Variants in SPATA13 observed in about 807,000 individuals in gnomAD.
SPATA13 encodes spermatogenesis associated 13, also known as spermatogenesis-associated protein 13.
A neutral mutation model predicts 104.0 loss-of-function variants in SPATA13; 50 were observed. That is an observed-to-expected ratio of 0.48 (90% CI 0.38 to 0.61). The LOEUF is 0.61. SPATA13 is among the 20% of genes least tolerant of loss of function. SPATA13 has a pLI of 0.00. For missense variants in SPATA13, 1,524 were observed against 1,690.6 expected, an observed-to-expected ratio of 0.90 and a Z score of 1.73; for synonymous variants, 606 against 667.5, an observed-to-expected ratio of 0.91 and a Z score of 1.42.
chr13:24,122,176 T>A, intron 3 of SPATA13: 1 of 1,562,266 alleles, frequency 6.4e-7, no homozygotes, highest in Non-Finnish European at 8.8e-7. Context: ...GGGCTGCTCT[T>A]CTTTGATCAG....
chr13:24,249,615 A>G lies in SPATA13; in HGVS notation c.1792A>G (p.Ser598Gly). ...RPFSDYGQLA[S>G]RSLSIPEDSV... ...ATTCTCTGACTACGGCCAGCTGGCCAGCCGCAGTTTGTCTATTCCTGAAGA... is the reference window on the plus strand; with the variant it reads ...ATTCTCTGACTACGGCCAGCTGGCCGGCCGCAGTTTGTCTATTCCTGAAGA... The change falls in exon 3 of 13, where the codon AGC (serine) becomes GGC (glycine). Residue 598 changes from serine to glycine, a missense_variant. Ser to Gly is a moderately conservative substitution (Grantham distance 56). Transcript: ENST00000382108. 2 of 1,613,864 alleles carry G rather than the reference A, an allele frequency of 1.2e-6. No individual in the cohort carries two copies. Among genetic ancestry groups the G allele is most frequent in the African/African-American group, 1.3e-5 (1 of 75,070 alleles).
intron 3 of SPATA13, among the ~76,000 whole-genome samples, chr13:24,052,124 C>G (rs919688240): frequency 1.3e-5 from 2 of 152,086 alleles, no homozygotes; most frequent in African/African-American, 2.4e-5. Context: ...CTGTGCTTAA[C>G]GCAATTCCAA....
intron 7 of SPATA13, 43 bp from the exon 8 acceptor site, chr13:24,288,956 A>G (rs375577567): frequency 1.3e-5 from 20 of 1,535,754 alleles, no homozygotes; most frequent in Non-Finnish European, 1.7e-5. Context: ...CAAATAATTT[A>G]TTTGGATTTC....
At chr13:24,154,344 G>A (rs966110943) in intron 3 of SPATA13, among the ~76,000 whole-genome samples, 3 of 152,014 alleles carry the variant, frequency 2.0e-5, no homozygotes, top group African/African-American at 7.3e-5. Flanking sequence ...ATACTACACA[G>A]CAATGAAAAA....
chr13:24,057,337 T>C (rs1878602120), intron 3 of SPATA13, among the ~76,000 whole-genome samples: 2 of 151,846 alleles, frequency 1.3e-5, no homozygotes, highest in South Asian at 4.2e-4. Flanking sequence ...ACTGCAGCTG[T>C]CGGTCCTCTT....
intron 3 of SPATA13, among the ~76,000 whole-genome samples, chr13:24,251,004 T>C (rs1306275663): frequency 6.6e-6 from 1 of 152,140 alleles, no homozygotes; most frequent in East Asian, 1.9e-4. Flanking sequence ...AAGCAGGATA[T>C]GCATGTAATA....
intron 3 of SPATA13, among the ~76,000 whole-genome samples, chr13:24,102,471 A>ATT (rs1880286861): frequency 8.1e-6 from 1 of 123,006 alleles, no homozygotes; most frequent in African/African-American, 2.8e-5. Context: ...GCTTCACAGA[A>ATT]TTTCTTTTTT....
At chr13:24,212,460 AC>A (rs1412853390) in intron 1 of SPATA13, among the ~76,000 whole-genome samples, 3 of 151,960 alleles carry the variant, frequency 2.0e-5, no homozygotes, top group African/African-American at 4.8e-5. Flanking sequence ...TTATGTAACC[AC>A]CCCAGGGGCA....
At chr13:24,112,369 G>A (rs548299264) in intron 3 of SPATA13, among the ~76,000 whole-genome samples, 7 of 152,252 alleles carry the variant, frequency 4.6e-5, no homozygotes, top group African/African-American at 1.7e-4. Flanking sequence ...ACTCTGTAGT[G>A]CTCCCCACAT....
intron 3 of SPATA13, among the ~76,000 whole-genome samples, chr13:24,052,095 G>A (rs1878364312): frequency 6.6e-6 from 1 of 152,076 alleles, no homozygotes; most frequent in African/African-American, 2.4e-5. Flanking sequence ...CCTGTGCTGT[G>A]TCCAGGCTCC....
At position 24,058,763 on chromosome 13, in the gene SPATA13, G is replaced by A. The variant is rs73457149; in HGVS notation, c.-112+41062G>A. ...TTCTTTCTTATGATTTATGTTGGGA[G>A]CTATAGATTCACTGGTTAACCTGTC... is the stretch of plus-strand genomic sequence containing the variant. On this transcript the variant is annotated intron_variant, in intron 3 of 14. Coordinates refer to the SPATA13 transcript ENST00000424834. Among the ~76,000 whole-genome samples, 1,135 of 151,924 alleles carry A rather than the reference G, an allele frequency of 7.5e-3. 25 individuals carry two copies. Among genetic ancestry groups the A allele is most frequent in the African/African-American group, 0.026 (1,088 of 41,520 alleles).
chr13:24,064,503 T>C (rs924955688), intron 3 of SPATA13, among the ~76,000 whole-genome samples: 5 of 152,004 alleles, frequency 3.3e-5, no homozygotes, highest in African/African-American at 1.2e-4. Flanking sequence ...CCCTCATGAA[T>C]GGGATTTGTG....
At position 23,982,837 on chromosome 13, in the gene SPATA13, A is replaced by C. The variant is rs1874963929; in HGVS notation, c.-353-890A>C. On this transcript the variant is annotated intron_variant, in intron 1 of 14. Transcript: ENST00000424834. ...CACATGATTTTTATTCTGCCATTGC[A>C]AACCAGGTACACGTGTGAGCTTCGG... Among the ~76,000 whole-genome samples, 3 of 152,166 alleles carry C rather than the reference A, an allele frequency of 2.0e-5. No homozygotes were observed. In the South Asian group the frequency reaches 6.2e-4, roughly 32 times the overall value.
chr13:24,069,036 C>T (rs545390874), intron 3 of SPATA13, among the ~76,000 whole-genome samples: 3 of 152,082 alleles, frequency 2.0e-5, no homozygotes, highest in South Asian at 4.2e-4. Flanking sequence ...TATATTCTTG[C>T]GTAGTATAGT....
intron 4 of SPATA13, among the ~76,000 whole-genome samples, chr13:24,280,667 A>G (rs1190134762): frequency 6.6e-6 from 1 of 152,166 alleles, no homozygotes; most frequent in African/African-American, 2.4e-5. Flanking sequence ...TATCTCGGCC[A>G]GTAAGCAGCA....
chr13:24,247,478 C>CTTTTTTTTTT (rs10625714), intron 2 of SPATA13, among the ~76,000 whole-genome samples: 21,133 of 86,514 alleles, frequency 0.24, 5,825 homozygotes, highest in East Asian at 0.6. Flanking sequence ...TCCACATTCA[C>CTTTTTTTTTT]TTTTTTTTTT....
At chr13:23,985,367 C>T (rs1272005496) in intron 2 of SPATA13, among the ~76,000 whole-genome samples, 1 of 152,242 alleles carries the variant, frequency 6.6e-6, no homozygotes, top group Non-Finnish European at 1.5e-5. Flanking sequence ...GCGTGGCCAC[C>T]CCAGGAACGG....
chr13:24,149,785 G>A (rs777641322), intron 3 of SPATA13, among the ~76,000 whole-genome samples: 3 of 152,230 alleles, frequency 2.0e-5, no homozygotes, highest in Non-Finnish European at 2.9e-5. Flanking sequence ...TGCGGGTCAG[G>A]TTGTCACAGG....
Position 24,190,313 on chromosome 13 carries a change from T to A in SPATA13, c.-112+29381T>A, listed in dbSNP as rs1447192423. ...TAATATTATATATTATTATATATAA[T>A]ATATAATATTATATATTATTATATA... On this transcript the variant is annotated intron_variant, in intron 1 of 12. Transcript: ENST00000382108. 8.5e-4 allele frequency among the ~76,000 whole-genome samples: 5 copies of A among 5,908 alleles called. 1 individual carries two copies. Among genetic ancestry groups the A allele is most frequent in the African/African-American group, 9.8e-4 (5 of 5,100 alleles). The allele number at this position is 5,908 out of a possible 152,430, so 3.9% of individuals were successfully genotyped here. A position where few individuals can be genotyped will look rare whatever the true frequency, so the allele number is the denominator to read the frequency against.
Sources: allele counts gnomAD v4.1 joint callset (sites outside exome capture counted in the v4.1 genomes callset), GRCh38; gene constraint gnomAD v4.1.1; transcripts MANE v1.5; gene names NCBI Gene and HGNC (gene_info 2026-07-23, HGNC 2026-07-21).